TENM4: variants seen among roughly 807,000 people sequenced by gnomAD.
The protein encoded by TENM4 is teneurin-4.
In TENM4, 82 loss-of-function variants were observed where a neutral mutation model predicts 243.3. That is an observed-to-expected ratio of 0.34 (90% CI 0.28 to 0.40). TENM4 has a LOEUF of 0.40. Among genes scored for constraint, TENM4 ranks in the 10% least tolerant of loss-of-function variants. TENM4 has a pLI of 1.00. For synonymous variants in TENM4, 1,412 were observed against 1,456.3 expected (o/e 0.97, Z 0.69); for missense variants, 3,138 against 3,673.3 (o/e 0.85, Z 3.77).
At chr11:79,271,028 T>C (rs1855959847) in intron 2 of TENM4, among the ~76,000 whole-genome samples, 1 of 152,134 alleles carries the variant, frequency 6.6e-6, no homozygotes, top group South Asian at 2.1e-4. Context: ...ATCTAGGTCA[T>C]TGAGTTTGTC....
At chr11:78,695,365 T>C (rs1858934880) in intron 28 of TENM4, among the ~76,000 whole-genome samples, 1 of 151,116 alleles carries the variant, frequency 6.6e-6, no homozygotes, top group Admixed American at 6.6e-5. Context: ...TGGACAATTT[T>C]TTTTGTTTGT....
At chr11:78,912,307 T>C (rs965573763) in intron 6 of TENM4, among the ~76,000 whole-genome samples, 1 of 152,082 alleles carries the variant, frequency 6.6e-6, no homozygotes, top group South Asian at 2.1e-4. Context: ...CAGGCTGGAG[T>C]GCAGTGGTGC....
At chr11:78,737,960 T>G (rs996032351) in intron 20 of TENM4, among the ~76,000 whole-genome samples, 8 of 152,342 alleles carry the variant, frequency 5.3e-5, no homozygotes, top group South Asian at 2.1e-4. Flanking sequence ...AGGAGAATTA[T>G]CCTAGGACAC....
intron 9 of TENM4, among the ~76,000 whole-genome samples, chr11:78,886,730 G>C (rs1183503650): frequency 6.6e-6 from 1 of 152,232 alleles, no homozygotes; most frequent in Non-Finnish European, 1.5e-5. Context: ...GGAATGCCCA[G>C]GCTTGCCTCT....
chr11:79,151,816 T>C (rs190037642), intron 3 of TENM4, among the ~76,000 whole-genome samples: 2 of 152,234 alleles, frequency 1.3e-5, no homozygotes, highest in African/African-American at 2.4e-5. Context: ...CATTTGTAGA[T>C]AATAGTGCAT....
intron 28 of TENM4, among the ~76,000 whole-genome samples, chr11:78,699,996 G>C (rs1300240138): frequency 6.6e-6 from 1 of 152,130 alleles, no homozygotes; most frequent in Non-Finnish European, 1.5e-5. Flanking sequence ...CTGGATCTTT[G>C]TCTTTTCTTT....
intron 6 of TENM4, among the ~76,000 whole-genome samples, chr11:78,970,888 A>G (rs1255315392): frequency 2.0e-5 from 3 of 152,256 alleles, no homozygotes; most frequent in African/African-American, 4.8e-5. Flanking sequence ...TTGGTTAAAA[A>G]TAAACAAAAA....
intron 4 of TENM4, among the ~76,000 whole-genome samples, chr11:79,108,697 T>A (rs998207998): frequency 1.3e-5 from 2 of 152,064 alleles, no homozygotes; most frequent in African/African-American, 2.4e-5. Context: ...GTATTAACAT[T>A]TGTAATTGAA....
intron 2 of TENM4, among the ~76,000 whole-genome samples, chr11:79,220,063 A>T (rs1864128586): frequency 6.6e-6 from 1 of 152,232 alleles, no homozygotes. Flanking sequence ...AATCTTCTGG[A>T]TACCCAGGAA....
At chr11:78,970,078 G>A (rs1458270067) in intron 6 of TENM4, among the ~76,000 whole-genome samples, 1 of 152,268 alleles carries the variant, frequency 6.6e-6, no homozygotes, top group Admixed American at 6.5e-5. Context: ...GTTCTGAGCA[G>A]AGGATGGGGC....
At chr11:78,955,403 T>C (rs1326575418) in intron 6 of TENM4, among the ~76,000 whole-genome samples, 1 of 152,196 alleles carries the variant, frequency 6.6e-6, no homozygotes, top group African/African-American at 2.4e-5. Context: ...GGAGATGGTT[T>C]AAAATGTGGT....
intron 2 of TENM4, among the ~76,000 whole-genome samples, chr11:79,226,810 C>G (rs1051343371): frequency 2.0e-5 from 3 of 152,150 alleles, no homozygotes; most frequent in Non-Finnish European, 4.4e-5. Context: ...TGGTTTTTAT[C>G]AAGCTGCCAG....
At chr11:78,673,608 T>A (rs566593551) in intron 30 of TENM4, among the ~76,000 whole-genome samples, 16 of 152,342 alleles carry the variant, frequency 1.1e-4, no homozygotes, top group African/African-American at 3.8e-4. Flanking sequence ...CCTTCCCCTA[T>A]CCGAGTCTCA....
chr11:79,210,866 G>A (rs1336962294), intron 3 of TENM4, among the ~76,000 whole-genome samples: 1 of 152,016 alleles, frequency 6.6e-6, no homozygotes, highest in Admixed American at 6.6e-5. Context: ...CTGCCTATTG[G>A]TGACCATAGC....
At chr11:79,245,938 T>TAAAAAAAAAAAAAAAAAA (rs1199883938) in intron 2 of TENM4, among the ~76,000 whole-genome samples, 1 of 64,908 alleles carries the variant, frequency 1.5e-5, no homozygotes, top group African/African-American at 5.4e-5. Flanking sequence ...AGACTTTGTC[T>TAAAAAAAAAAAAAAAAAA]AAAAAAAAAA....
At position 78,669,676 on chromosome 11, in the gene TENM4, C is replaced by T. The variant is rs1255575400; in HGVS notation, c.6669G>A (p.Leu2223=). 4 of 1,613,954 alleles carry T rather than the reference C, an allele frequency of 2.5e-6. No individual in the cohort carries two copies. The highest frequency in any genetic ancestry group is 3.4e-6 in the Non-Finnish European group (4 of 1,179,898). Residue 2223 remains leucine (L), a synonymous_variant, in exon 32 of 34, where the codon CTG becomes CTA. Coordinates refer to ENST00000278550, the MANE Select transcript of TENM4 (RefSeq NM_001098816.3). The surrounding 1 kb of genome is among the most constrained non-coding windows in gnomAD (Gnocchi z 6.4). ...WRYSYDLNGN[L]HLLSPGNSAR... is the part of the protein sequence containing the mutation. ...CACTGTTCCCAGGGCTCAGTAAGTGCAGGTTCCCATTGAGGTCGTAGCTGT... is the reference window on the plus strand; with the variant it reads ...CACTGTTCCCAGGGCTCAGTAAGTGTAGGTTCCCATTGAGGTCGTAGCTGT...
intron 6 of TENM4, among the ~76,000 whole-genome samples, chr11:78,946,621 G>C (rs978503409): frequency 1.3e-5 from 2 of 152,206 alleles, no homozygotes; most frequent in Non-Finnish European, 2.9e-5. Context: ...TGATTCCTCT[G>C]ATGGATCTGG....
chr11:79,318,347 C>G (rs1013396361), intron 1 of TENM4, among the ~76,000 whole-genome samples: 7 of 152,136 alleles, frequency 4.6e-5, no homozygotes, highest in Non-Finnish European at 7.3e-5. Context: ...CACATTTCAG[C>G]TCAATATAAT....
intron 9 of TENM4, among the ~76,000 whole-genome samples, chr11:78,871,782 C>A (rs1859136033): frequency 6.6e-6 from 1 of 152,142 alleles, no homozygotes. Context: ...ATCAAGCAGC[C>A]CTCCCTTTAG....
Sources: gnomAD v4.1 joint callset for allele counts (sites outside exome capture counted in the v4.1 genomes callset) on GRCh38, gnomAD v4.1.1 for gene constraint, Gnocchi (gnomAD v3.1) non-coding constraint, MANE v1.5 for transcripts, NCBI Gene and HGNC (gene_info 2026-07-23, HGNC 2026-07-21) for gene names.